Variants in MYCBP2 observed in about 807,000 individuals in gnomAD.
MYCBP2 encodes the protein MYC binding protein 2.
MYCBP2 carries 120 observed loss-of-function variants against 525.3 expected under a neutral mutation model. That is an observed-to-expected ratio of 0.23 (90% CI 0.20 to 0.27). MYCBP2 has a LOEUF of 0.27. MYCBP2 is among the 10% of genes least tolerant of loss of function. The probability of loss-of-function intolerance (pLI) is 1.00; values close to 1 mark genes in which losing one functional copy is unlikely to be tolerated. For missense variants in MYCBP2, 4,149 were observed against 5,657.1 expected (o/e 0.73, Z 8.55); for synonymous variants, 1,894 against 1,955.8 (o/e 0.97, Z 0.83).
intron 15 of MYCBP2, among the ~76,000 whole-genome samples, chr13:77,248,200 A>C (rs57962133): frequency 0.013 from 2,007 of 151,904 alleles, 42 homozygotes; most frequent in African/African-American, 0.046. Flanking sequence ...CTAGATTGGG[A>C]AATAATTTCT....
chr13:77,069,412 G>C (rs1346334601), intron 69 of MYCBP2, among the ~76,000 whole-genome samples: 1 of 152,088 alleles, frequency 6.6e-6, no homozygotes, highest in Non-Finnish European at 1.5e-5. Flanking sequence ...CATGAGATCA[G>C]GAGATCGAGA....
chr13:77,190,431 T>C, intron 28 of MYCBP2, 96 bp from the exon 29 acceptor site: 8 of 738,002 alleles, frequency 1.1e-5, no homozygotes, highest in Non-Finnish European at 1.8e-5. Flanking sequence ...TCAATGAAAA[T>C]GATTCACTCT....
intron 55 of MYCBP2, chr13:77,118,550 TG>T (rs1566597569): frequency 2.6e-6 from 2 of 756,608 alleles, no homozygotes; most frequent in Non-Finnish European, 4.8e-6. Context: ...ACATCCAAAA[TG>T]GCAAAGTAAA....
At chr13:77,255,992 C>T (rs55933412) in intron 14 of MYCBP2, among the ~76,000 whole-genome samples, 4,296 of 151,996 alleles carry the variant, frequency 0.028, 85 homozygotes, top group East Asian at 0.053. Flanking sequence ...AAATTGAGGG[C>T]AAGAAGTAGA....
intron 24 of MYCBP2, 143 bp downstream of exon 24, chr13:77,206,510 C>T (rs1225104104): frequency 9.4e-6 from 7 of 741,482 alleles, no homozygotes; most frequent in Non-Finnish European, 1.4e-5. Flanking sequence ...TGGAATTAGC[C>T]TCTTAGAGGA....
At chr13:77,309,865 G>C (rs1329079251) in intron 1 of MYCBP2, among the ~76,000 whole-genome samples, 1 of 152,194 alleles carries the variant, frequency 6.6e-6, no homozygotes, top group African/African-American at 2.4e-5. Context: ...TGTAATCTCA[G>C]TACTTTGGGA....
intron 3 of MYCBP2, 66 bp downstream of exon 3, chr13:77,288,095 A>G (rs947205141): frequency 4.3e-5 from 63 of 1,466,838 alleles, no homozygotes; most frequent in African/African-American, 5.6e-5. Flanking sequence ...CAATGCGTAT[A>G]TATGCATTAT....
intron 55 of MYCBP2, among the ~76,000 whole-genome samples, chr13:77,105,803 C>T (rs75710357): frequency 0.03 from 4,507 of 152,136 alleles, 96 homozygotes; most frequent in East Asian, 0.053. Context: ...CAGGATTTTT[C>T]TCCAGTGCTC....
At chr13:77,212,999 A>G (rs1181337081) in intron 21 of MYCBP2, among the ~76,000 whole-genome samples, 1 of 152,178 alleles carries the variant, frequency 6.6e-6, no homozygotes, top group East Asian at 1.9e-4. Context: ...ACCAGGTAGC[A>G]CAGCAAGAAA....
chr13:77,276,291 A>C (rs2154349168), intron 4 of MYCBP2, among the ~76,000 whole-genome samples: 1 of 152,330 alleles, frequency 6.6e-6, no homozygotes, highest in African/African-American at 2.4e-5. Flanking sequence ...TTCCACAGTA[A>C]GAGTTATATA....
chr13:77,183,182 T>C (rs2060375212), intron 32 of MYCBP2, among the ~76,000 whole-genome samples: 1 of 152,208 alleles, frequency 6.6e-6, no homozygotes, highest in Non-Finnish European at 1.5e-5. Flanking sequence ...TTCTGAGTGA[T>C]ATTCATCTGT....
At chr13:77,232,864 A>G (rs1270466931) in intron 18 of MYCBP2, among the ~76,000 whole-genome samples, 3 of 152,244 alleles carry the variant, frequency 2.0e-5, no homozygotes, top group African/African-American at 7.2e-5. Context: ...ACAGAAAGCA[A>G]TAATTATTTT....
At chr13:77,164,783 G>T (rs75145274) in intron 42 of MYCBP2, among the ~76,000 whole-genome samples, 231 of 152,248 alleles carry the variant, frequency 1.5e-3, no homozygotes, top group African/African-American at 5.3e-3. Flanking sequence ...GGCCCACTTT[G>T]TCCTTGGTTT....
At chr13:77,152,601 A>G (rs1457481975) in intron 46 of MYCBP2, among the ~76,000 whole-genome samples, 1 of 152,198 alleles carries the variant, frequency 6.6e-6, no homozygotes, top group Non-Finnish European at 1.5e-5. Flanking sequence ...CAAGTGGCGA[A>G]TACCAAGAGG....
chr13:77,261,521 G>C, intron 11 of MYCBP2, 146 bp from the exon 12 acceptor site: 1 of 634,762 alleles, frequency 1.6e-6, no homozygotes, highest in Middle Eastern at 4.4e-4. Flanking sequence ...TTCAGCTTCT[G>C]GGAGTTGAGC....
intron 55 of MYCBP2, among the ~76,000 whole-genome samples, chr13:77,102,447 T>C (rs2047211680): frequency 6.6e-6 from 1 of 151,646 alleles, no homozygotes; most frequent in South Asian, 2.1e-4. Flanking sequence ...TAAAAGTTCT[T>C]TTTGATAAAA....
chr13:77,174,376 C>T lies in MYCBP2; in HGVS notation c.5586G>A (p.Thr1862=), dbSNP rs145372801. Residue 1862 remains threonine (T), a synonymous_variant, in exon 37 of 83, where the codon ACG becomes ACA. Coordinates refer to ENST00000544440, the MANE Select transcript of MYCBP2 (RefSeq NM_015057.5). ...CPDGVTFTFS[T]CSLSSNGTNQ... Reference sequence around the variant, plus strand: ...TTGTGCCGTTACTGCTCAAGCTGCACGTGCTGAATGTGAATGTCACACCAT... The same window carrying T: ...TTGTGCCGTTACTGCTCAAGCTGCATGTGCTGAATGTGAATGTCACACCAT... 2.2e-5 allele frequency: 36 copies of T among 1,614,020 alleles called. No homozygotes were observed. The highest frequency in any genetic ancestry group is 9.3e-5 in the African/African-American group (7 of 74,926).
intron 65 of MYCBP2, 68 bp from the exon 66 acceptor site, chr13:77,078,957 T>C (rs2042819522): frequency 2.3e-6 from 3 of 1,299,376 alleles, no homozygotes; most frequent in South Asian, 1.2e-5. Flanking sequence ...TGGTTTCTCA[T>C]GACCTACTAA....
chr13:77,199,855 C>A (rs1235704201), intron 26 of MYCBP2, among the ~76,000 whole-genome samples: 4 of 152,180 alleles, frequency 2.6e-5, no homozygotes, highest in Non-Finnish European at 5.9e-5. Flanking sequence ...GGAAAACTAA[C>A]AAACAGAAAG....
Sources: gnomAD v4.1 joint callset for allele counts (sites outside exome capture counted in the v4.1 genomes callset) on GRCh38, gnomAD v4.1.1 for gene constraint, MANE v1.5 for transcripts, NCBI Gene and HGNC (gene_info 2026-07-23, HGNC 2026-07-21) for gene names.